Variants in DGAT1 observed in about 807,000 individuals in gnomAD.
DGAT1 encodes ACAT related gene product 1.
A neutral mutation model predicts 72.6 loss-of-function variants in DGAT1; 60 were observed. That is an observed-to-expected ratio of 0.83 (90% CI 0.67 to 1.02). DGAT1 has a LOEUF of 1.02. Ranked by LOEUF, DGAT1 falls within the 50% of genes least tolerant of loss-of-function variation. The probability of loss-of-function intolerance (pLI) is 0.00; values close to 1 mark genes in which losing one functional copy is unlikely to be tolerated. For missense variants in DGAT1, 592 were observed against 670.0 expected (o/e 0.88, Z 1.29); for synonymous variants, 290 against 267.5 (o/e 1.08, Z -0.82).
chr8:144,324,438 C>T (rs1200765597), intron 1 of DGAT1, among the ~76,000 whole-genome samples: 2 of 152,192 alleles, frequency 1.3e-5, no homozygotes, highest in African/African-American at 4.8e-5. Flanking sequence ...CAGCCAGTGG[C>T]CGAGCCCTGC....
At position 144,318,035 on chromosome 8, in the gene DGAT1, G is replaced by A. The variant is rs1263197844; in HGVS notation, c.752-18C>T. ...GTAGAGATCTGGAATGGGAATGGGG[G>A]GTTGGTACCAGAACAGGCCCAGCCT... On this transcript the variant is annotated intron_variant, in intron 8 of 16. Transcript: ENST00000528718. The A allele has an allele frequency of 1.3e-6, 2 of 1,516,768 alleles. No individual in the cohort carries two copies. Among genetic ancestry groups the A allele is most frequent in the African/African-American group, 1.4e-5 (1 of 71,706 alleles). The allele number at this position is 1,516,768 out of a possible 1,614,324, so 94.0% of individuals were successfully genotyped here.
rs1417511774 is a variant in DGAT1, at chr8:144,326,661, G to A, written c.-25C>T. ...TGGCCTCAGCCCGCACCCGGCCGCAGCCAAGCGTGGGCCCGCCGGGTTCGT... is the reference window on the plus strand; with the variant it reads ...TGGCCTCAGCCCGCACCCGGCCGCAACCAAGCGTGGGCCCGCCGGGTTCGT... On this transcript the variant is annotated 5_prime_UTR_variant, in exon 1 of 17. Transcript: ENST00000528718. 7.8e-5 allele frequency: 92 copies of A among 1,177,612 alleles called. No homozygotes were observed. Among genetic ancestry groups the A allele is most frequent in the Non-Finnish European group, 9.2e-5 (88 of 952,790 alleles). The allele number at this position is 1,177,612 out of a possible 1,614,324, so 72.9% of individuals were successfully genotyped here. A position where few individuals can be genotyped will look rare whatever the true frequency, so the allele number is the denominator to read the frequency against.
At chr8:144,324,793 C>T (rs782020830) in intron 1 of DGAT1, among the ~76,000 whole-genome samples, 1 of 152,146 alleles carries the variant, frequency 6.6e-6, no homozygotes, top group Non-Finnish European at 1.5e-5. Context: ...CCCGGCCGGG[C>T]GCGGTGGCTC....
At chr8:144,320,959 C>T (rs782237308) in intron 2 of DGAT1, among the ~76,000 whole-genome samples, 2 of 152,176 alleles carry the variant, frequency 1.3e-5, no homozygotes, top group Non-Finnish European at 2.9e-5. Flanking sequence ...TCCACCCTGC[C>T]CTCCCTGGAG....
chr8:144,315,474 T>C lies in DGAT1; in HGVS notation c.*1080A>G, dbSNP rs1255583890. 3.2e-5 allele frequency: 32 copies of C among 985,436 alleles called. No individual in the cohort carries two copies. Among genetic ancestry groups the C allele is most frequent in the Non-Finnish European group, 3.9e-5 (32 of 830,030 alleles). 61.0% of individuals were successfully genotyped at this position (985,436 alleles called of 1,614,324 possible). ...CTCAAACACCTGCCTTGTTGGGCCA[T>C]AGCTGCAGGTCTGGGGACACCAGGG... On this transcript the variant is annotated 3_prime_UTR_variant, in exon 17 of 17. Coordinates refer to ENST00000528718, the MANE Select transcript of DGAT1 (RefSeq NM_012079.6).
In DGAT1 at chr8:144,316,869, G is replaced by T. The variant is rs369376240; in HGVS notation, c.1295C>A (p.Thr432Lys). ...PLRMFRLWAF[T>K]GMMAQIPLAW... Reference sequence around the variant, plus strand: ...GTCACTCACCTGAGCCATCATGCCCGTGAACGCCCAGAGGCGGAACATTCG... The same window carrying T: ...GTCACTCACCTGAGCCATCATGCCCTTGAACGCCCAGAGGCGGAACATTCG... Residue 432 changes from threonine (T) to lysine (K), a missense_variant, in exon 16 of 17, where the codon ACG becomes AAG. Transcript: ENST00000528718. The T allele has an allele frequency of 6.2e-7, 1 of 1,610,960 alleles. No homozygotes were observed.
intron 2 of DGAT1, among the ~76,000 whole-genome samples, chr8:144,319,972 A>G (rs1554847924): frequency 6.6e-6 from 1 of 152,154 alleles, no homozygotes; most frequent in African/African-American, 2.4e-5. Context: ...ATGAGAGAGA[A>G]GACTGCTTCA....
chr8:144,323,037 C>G (rs1461948489), intron 1 of DGAT1, among the ~76,000 whole-genome samples: 9 of 152,204 alleles, frequency 5.9e-5, no homozygotes, highest in African/African-American at 2.2e-4. Flanking sequence ...CCTCTCTGGG[C>G]TGTCTGTCTG....
At position 144,318,265 on chromosome 8, in the gene DGAT1, C is replaced by T. The variant is rs1554847556; in HGVS notation, c.672G>A (p.Lys224=). The change falls in exon 7 of 17, where the codon AAG becomes AAA. Residue 224 remains lysine, a synonymous_variant. Coordinates refer to ENST00000528718, the MANE Select transcript of DGAT1 (RefSeq NM_012079.6). ...VNSWCRRARA[K]AASAGKKASS... ...CAGCCCCTGGCAGCCCCTCACCAGC[C>T]TTGGCCCTGGCCCTGCGGCACCATG... is the stretch of plus-strand genomic sequence containing the variant. The T allele has an allele frequency of 1.9e-6, 3 of 1,612,562 alleles. No individual in the cohort carries two copies. In the Admixed American group the frequency reaches 5.0e-5, roughly 27 times the overall value.
intron 2 of DGAT1, among the ~76,000 whole-genome samples, chr8:144,320,566 C>T (rs1232508764): frequency 6.6e-6 from 1 of 152,152 alleles, no homozygotes. Flanking sequence ...CACATCAGCC[C>T]TGAGTTGGGG....
At position 144,317,928 on chromosome 8, in the gene DGAT1, G is replaced by C. The variant is rs782247930; in HGVS notation, c.841C>G (p.Arg281Gly). The C allele has an allele frequency of 2.6e-6, 4 of 1,521,538 alleles. No homozygotes were observed. Among genetic ancestry groups the C allele is most frequent in the Non-Finnish European group, 2.6e-6 (3 of 1,136,822 alleles). The allele number at this position is 1,521,538 out of a possible 1,614,324, so 94.3% of individuals were successfully genotyped here. ...PRIRKRFLLR[R>G]ILEMLFFTQL... ...CCCAACCTCACCATCTCAAGGATCCGTCGCAGCAGAAAGCGCTTCCGGATG... is the reference window on the plus strand; with the variant it reads ...CCCAACCTCACCATCTCAAGGATCCCTCGCAGCAGAAAGCGCTTCCGGATG... The change falls in exon 9 of 17, where the codon CGG (arginine) becomes GGG (glycine). Residue 281 changes from arginine (R) to glycine (G), a missense_variant. Arg to Gly is a moderately radical substitution (Grantham distance 125). Transcript: ENST00000528718.
At position 144,326,667 on chromosome 8, in the gene DGAT1, C is replaced by A. The variant is rs1554848854; in HGVS notation, c.-31G>T. On this transcript the variant is annotated 5_prime_UTR_variant, in exon 1 of 17. Coordinates refer to ENST00000528718, the MANE Select transcript of DGAT1 (RefSeq NM_012079.6). ...CAGCCCGCACCCGGCCGCAGCCAAG[C>A]GTGGGCCCGCCGGGTTCGTAGCGCC... 1 of 1,170,542 alleles carries A rather than the reference C, an allele frequency of 8.5e-7. No individual in the cohort carries two copies. 72.5% of individuals were successfully genotyped at this position (1,170,542 alleles called of 1,614,324 possible).
At chr8:144,325,335 GTTATC>G (rs1396395468) in intron 1 of DGAT1, among the ~76,000 whole-genome samples, 1 of 152,144 alleles carries the variant, frequency 6.6e-6, no homozygotes, top group Non-Finnish European at 1.5e-5. Flanking sequence ...TCTCGCTGAG[GTTATC>G]TTATCTCCCA....
intron 5 of DGAT1, 26 bp from the exon 6 acceptor site, chr8:144,318,592 C>T: frequency 1.2e-6 from 2 of 1,608,376 alleles, no homozygotes; most frequent in Non-Finnish European, 1.7e-6. Flanking sequence ...GAGCACTCAA[C>T]CAGGGCTCCC....
chr8:144,321,936 C>T (rs572067529), intron 1 of DGAT1, among the ~76,000 whole-genome samples: 19 of 152,348 alleles, frequency 1.2e-4, no homozygotes, highest in African/African-American at 2.6e-4. Flanking sequence ...GCAGGCCAGG[C>T]GCCAGCCACA....
intron 16 of DGAT1, 38 bp from the exon 17 acceptor site, chr8:144,316,747 C>A: frequency 6.2e-7 from 1 of 1,605,750 alleles, no homozygotes; most frequent in Non-Finnish European, 8.5e-7. Context: ...GCCATGGTGA[C>A]CACAGGGCTG....
In DGAT1 at chr8:144,316,590, G is replaced by C. The variant is rs782526221; in HGVS notation, c.1431C>G (p.Tyr477Ter). ...CCGCTGGGGCCTCATAGTTGAGCAC[G>C]TAGTAGTCGTGGACGTACATGAGGA... is the stretch of plus-strand genomic sequence containing the variant. ...IAVLMYVHDYYVLNYEAPAAE... is the reference protein window; with the variant it reads ...IAVLMYVHDY The change falls in exon 17 of 17, where the codon TAC becomes TAG. Residue 477 changes from tyrosine (Y) to a stop codon, truncating the protein, a stop_gained. Coordinates refer to ENST00000528718, the MANE Select transcript of DGAT1 (RefSeq NM_012079.6). LOFTEE classifies it high-confidence loss of function. 1 of 1,604,426 alleles carries C rather than the reference G, an allele frequency of 6.2e-7. No individual in the cohort carries two copies. Among genetic ancestry groups the C allele is most frequent in the Non-Finnish European group, 8.5e-7 (1 of 1,176,130 alleles).
At position 144,315,259 on chromosome 8, in the gene DGAT1, C is replaced by G; in HGVS notation, c.*1295G>C. On this transcript the variant is annotated 3_prime_UTR_variant, in exon 17 of 17. Coordinates refer to ENST00000528718, the MANE Select transcript of DGAT1 (RefSeq NM_012079.6). ...GGAGTCGGCCCCACACCCATCCCCC[C>G]ACCAGGAGCTCACCCACTACTGCCA... 1.0e-6 allele frequency: 1 copy of G among 985,522 alleles called. No individual in the cohort carries two copies. The highest frequency in any genetic ancestry group is 1.2e-6 in the Non-Finnish European group (1 of 829,970). The allele number at this position is 985,522 out of a possible 1,614,324, so 61.0% of individuals were successfully genotyped here.
chr8:144,318,391 C>T (rs1457238448), intron 6 of DGAT1, 29 bp from the exon 7 acceptor site: 6 of 1,608,494 alleles, frequency 3.7e-6, no homozygotes, highest in Non-Finnish European at 4.2e-6. Context: ...CAGGCCTCCA[C>T]AGCGCCACAG....
Sources: allele counts gnomAD v4.1 joint callset (sites outside exome capture counted in the v4.1 genomes callset), GRCh38; gene constraint gnomAD v4.1.1; transcripts MANE v1.5; gene names NCBI Gene and HGNC (gene_info 2026-07-23, HGNC 2026-07-21).